SPAG16: variants seen among roughly 807,000 people sequenced by gnomAD.
SPAG16 encodes the protein sperm-associated antigen 16 protein.
A neutral mutation model predicts 80.4 loss-of-function variants in SPAG16; 86 were observed. The observed-to-expected ratio is 1.07, with a 90% CI of 0.90 to 1.28. The LOEUF is 1.28. Ranked by LOEUF, SPAG16 falls within the 50% of genes most tolerant of loss-of-function variation. The pLI, the probability that SPAG16 is intolerant of heterozygous loss-of-function variation, is 0.00. For missense variants in SPAG16, 870 were observed against 765.3 expected, an observed-to-expected ratio of 1.14 and a Z score of -1.61; for synonymous variants, 294 against 265.9, an observed-to-expected ratio of 1.11 and a Z score of -1.03.
chr2:213,625,130 A>G (rs2061917908), intron 10 of SPAG16, among the ~76,000 whole-genome samples: 1 of 152,132 alleles, frequency 6.6e-6, no homozygotes, highest in Non-Finnish European at 1.5e-5. Flanking sequence ...TAATACTATA[A>G]AAGTACTTAC....
chr2:213,575,841 C>G (rs905410596), intron 10 of SPAG16, among the ~76,000 whole-genome samples: 1 of 152,112 alleles, frequency 6.6e-6, no homozygotes, highest in Non-Finnish European at 1.5e-5. Context: ...TTGTGTCTCA[C>G]AAATCATTCT....
chr2:214,127,866 G>T (rs1309923753), intron 14 of SPAG16, among the ~76,000 whole-genome samples: 1 of 151,840 alleles, frequency 6.6e-6, no homozygotes, highest in Non-Finnish European at 1.5e-5. Context: ...CTTAAAGTAT[G>T]TACAAATTTC....
intron 9 of SPAG16, among the ~76,000 whole-genome samples, chr2:213,488,685 A>C (rs942487299): frequency 2.0e-5 from 3 of 152,200 alleles, no homozygotes; most frequent in Non-Finnish European, 4.4e-5. Context: ...AATAGTATTT[A>C]TATCTGGGTG....
chr2:213,779,764 GATAACATCTCCTGAATC>G (rs1260095404), intron 10 of SPAG16, among the ~76,000 whole-genome samples: 2 of 152,154 alleles, frequency 1.3e-5, no homozygotes, highest in African/African-American at 4.8e-5. Context: ...TCTTGGTAGG[GATAACATCTCCTGAATC>G]ATAACGATGA....
At chr2:214,101,498 G>T (rs943086475) in intron 13 of SPAG16, among the ~76,000 whole-genome samples, 9 of 151,994 alleles carry the variant, frequency 5.9e-5, no homozygotes, top group African/African-American at 2.2e-4. Context: ...GTTGGGAAGA[G>T]CCTGAGAGGA....
rs149085210 is a variant in SPAG16 at position 213,749,824 on chromosome 2, C to T, written c.1071-112661C>T. On this transcript the variant is annotated intron_variant, in intron 10 of 15. Coordinates refer to ENST00000331683, the MANE Select transcript of SPAG16 (RefSeq NM_024532.5). ...TTTTAAAGACTGAGTTTTCTCTTGA[C>T]CAATTCTTTCCATAAGTTCACCTGT... Among the ~76,000 whole-genome samples the T allele has an allele frequency of 9.4e-3, 1,430 of 152,190 alleles. 9 individuals carry two copies. The highest frequency in any genetic ancestry group is 0.02 in the Middle Eastern group (6 of 294).
intron 9 of SPAG16, among the ~76,000 whole-genome samples, chr2:213,390,570 G>A (rs960082017): frequency 2.0e-5 from 3 of 152,068 alleles, no homozygotes; most frequent in African/African-American, 7.2e-5. Flanking sequence ...AATAACTTAT[G>A]TTTTGGGAAA....
At chr2:214,172,350 GT>G (rs1218984009) in intron 15 of SPAG16, among the ~76,000 whole-genome samples, 2 of 151,848 alleles carry the variant, frequency 1.3e-5, no homozygotes, top group East Asian at 1.9e-4. Flanking sequence ...GCGGTGTTTG[GT>G]TTTTTGTCCT....
intron 15 of SPAG16, among the ~76,000 whole-genome samples, chr2:214,282,790 G>A (rs553565456): frequency 6.6e-6 from 1 of 152,246 alleles, no homozygotes; most frequent in East Asian, 1.9e-4. Context: ...AACAAGTGCT[G>A]GAACCAGATT....
chr2:213,602,291 C>T (rs1425417354), intron 10 of SPAG16, among the ~76,000 whole-genome samples: 1 of 152,144 alleles, frequency 6.6e-6, no homozygotes, highest in African/African-American at 2.4e-5. Context: ...TTAAGTGACC[C>T]AGATCTATAA....
chr2:214,096,305 A>G (rs1320150194), intron 13 of SPAG16, among the ~76,000 whole-genome samples: 3 of 151,872 alleles, frequency 2.0e-5, no homozygotes, highest in Non-Finnish European at 4.4e-5. Flanking sequence ...AATTTTTTTC[A>G]AGGAAAATGT....
chr2:213,562,957 C>G (rs562948356), intron 10 of SPAG16, among the ~76,000 whole-genome samples: 1 of 152,328 alleles, frequency 6.6e-6, no homozygotes, highest in East Asian at 1.9e-4. Flanking sequence ...TAAACACCGC[C>G]TAAAGGCCTC....
At chr2:213,978,116 CA>C (rs1161529214) in intron 12 of SPAG16, among the ~76,000 whole-genome samples, 1 of 151,768 alleles carries the variant, frequency 6.6e-6, no homozygotes, top group African/African-American at 2.4e-5. Context: ...AGAGTCACGT[CA>C]TTGGATTCTA....
intron 13 of SPAG16, among the ~76,000 whole-genome samples, chr2:214,030,192 A>AT (rs1413930463): frequency 6.6e-6 from 1 of 152,100 alleles, no homozygotes; most frequent in African/African-American, 2.4e-5. Context: ...GACTTTGACT[A>AT]TTTTAGATAC....
chr2:213,542,538 C>G (rs1341505341), intron 10 of SPAG16, among the ~76,000 whole-genome samples: 1 of 151,964 alleles, frequency 6.6e-6, no homozygotes, highest in African/African-American at 2.4e-5. Context: ...AATTACTTAC[C>G]CTCACTGATG....
intron 15 of SPAG16, among the ~76,000 whole-genome samples, chr2:214,258,915 A>G (rs1445178619): frequency 6.6e-6 from 1 of 151,734 alleles, no homozygotes; most frequent in Non-Finnish European, 1.5e-5. Flanking sequence ...TTCCCTACTG[A>G]GTATTTTTAT....
At chr2:213,343,597 T>C (rs1223914865) in intron 6 of SPAG16, among the ~76,000 whole-genome samples, 2 of 152,072 alleles carry the variant, frequency 1.3e-5, no homozygotes, top group Non-Finnish European at 2.9e-5. Context: ...TTACAACAGT[T>C]ATTATGAAAT....
intron 13 of SPAG16, among the ~76,000 whole-genome samples, chr2:214,025,651 C>A (rs141048371): frequency 6.6e-6 from 1 of 151,594 alleles, no homozygotes. Flanking sequence ...GGTAAAACAA[C>A]ACCTCTTGTT....
intron 15 of SPAG16, among the ~76,000 whole-genome samples, chr2:214,372,234 T>G (rs1203282954): frequency 6.6e-6 from 1 of 152,176 alleles, no homozygotes; most frequent in Non-Finnish European, 1.5e-5. Flanking sequence ...CTGTATTATG[T>G]TTCGTCTCTA....
Sources: gnomAD v4.1 joint callset for allele counts (sites outside exome capture counted in the v4.1 genomes callset) on GRCh38, gnomAD v4.1.1 for gene constraint, MANE v1.5 for transcripts, NCBI Gene and HGNC (gene_info 2026-07-23, HGNC 2026-07-21) for gene names.